The following ASTN1 variants were observed in gnomAD, a reference collection of about 807,000 sequenced individuals.
ASTN1 encodes the protein astrotactin-1.
Under a neutral mutation model 140.7 loss-of-function variants are expected in ASTN1, and 41 were observed. The ratio of observed to expected loss-of-function variants is 0.29; its 90% CI spans 0.23 to 0.38. ASTN1 has a LOEUF of 0.38. Among genes scored for constraint, ASTN1 ranks in the 10% least tolerant of loss-of-function variants. ASTN1 has a pLI of 1.00. For synonymous variants in ASTN1, 640 were observed against 652.2 expected (o/e 0.98, Z 0.29); for missense variants, 1,479 against 1,678.8 (o/e 0.88, Z 2.08).
intron 13 of ASTN1, among the ~76,000 whole-genome samples, chr1:176,945,128 G>A (rs1432675453): frequency 6.6e-6 from 1 of 151,924 alleles, no homozygotes; most frequent in African/African-American, 2.4e-5. Flanking sequence ...GGCAGAACAG[G>A]GACAGGCATT....
intron 16 of ASTN1, among the ~76,000 whole-genome samples, chr1:176,901,100 T>TTCTGGGTTCTTTTGAGATGC (rs1669746982): frequency 6.6e-6 from 1 of 152,220 alleles, no homozygotes; most frequent in African/African-American, 2.4e-5. Flanking sequence ...GGCATTGCTG[T>TTCTGGGTTCTTTTGAGATGC]TCTGGGTTCT....
intron 8 of ASTN1, among the ~76,000 whole-genome samples, chr1:176,986,647 G>A (rs1430376903): frequency 3.3e-5 from 5 of 151,896 alleles, no homozygotes; most frequent in Non-Finnish European, 7.4e-5. Context: ...GAATTCAGGA[G>A]CCAGATGATC....
intron 1 of ASTN1, among the ~76,000 whole-genome samples, chr1:177,104,763 C>T (rs1298537301): frequency 1.3e-5 from 2 of 152,212 alleles, no homozygotes; most frequent in South Asian, 4.1e-4. Context: ...TGTCTCAGCT[C>T]CGACACCAGC....
chr1:176,862,930 A>G lies in ASTN1; in HGVS notation c.*1354T>C. 1 of 985,488 alleles carries G rather than the reference A, an allele frequency of 1.0e-6. No homozygotes were observed. 61.0% of individuals were successfully genotyped at this position (985,488 alleles called of 1,614,324 possible). A position where few individuals can be genotyped will look rare whatever the true frequency, so the allele number is the denominator to read the frequency against. ...GTTTCCAGATGAGGAGCCCTGGTCA[A>G]AGGCATGGTGGCTGAAGGTGTGTGT... On this transcript the variant is annotated 3_prime_UTR_variant, in exon 23 of 23. Transcript: ENST00000361833.
intron 13 of ASTN1, among the ~76,000 whole-genome samples, chr1:176,944,832 G>A (rs1226138446): frequency 6.6e-6 from 1 of 152,208 alleles, no homozygotes; most frequent in Non-Finnish European, 1.5e-5. Flanking sequence ...GCCACCACTA[G>A]ATTAGTGATG....
At chr1:176,947,984 G>T (rs1183195602) in intron 12 of ASTN1, among the ~76,000 whole-genome samples, 3 of 152,174 alleles carry the variant, frequency 2.0e-5, no homozygotes, top group Non-Finnish European at 4.4e-5. Flanking sequence ...AGAATATTAA[G>T]ATATAGAGCA....
chr1:177,032,150 C>T (rs1428070148), intron 3 of ASTN1, among the ~76,000 whole-genome samples: 1 of 152,184 alleles, frequency 6.6e-6, no homozygotes, highest in Non-Finnish European at 1.5e-5. Flanking sequence ...TCTCATTTCC[C>T]AGAGGGTTGC....
Position 177,022,190 on chromosome 1 carries a change from T to C in ASTN1, c.1438+1214A>G, listed in dbSNP as rs1367158140. Among the ~76,000 whole-genome samples the C allele has an allele frequency of 2.0e-5, 3 of 152,290 alleles. No individual in the cohort carries two copies. The South Asian group carries it at 6.2e-4, about 32-fold the overall frequency. On this transcript the variant is annotated intron_variant, in intron 7 of 22. Coordinates refer to ENST00000361833, the MANE Select transcript of ASTN1 (RefSeq NM_004319.3). ...AGGGCTAGATATCTTAGACTCATCCTCTATTAAGATCTCTCTACCTCAGCA... is the reference window on the plus strand; with the variant it reads ...AGGGCTAGATATCTTAGACTCATCCCCTATTAAGATCTCTCTACCTCAGCA...
intron 8 of ASTN1, among the ~76,000 whole-genome samples, chr1:176,973,337 A>G (rs925150685): frequency 6.6e-6 from 1 of 151,958 alleles, no homozygotes; most frequent in African/African-American, 2.4e-5. Flanking sequence ...CTTCACATTA[A>G]ATTATGTCAT....
At position 176,941,966 on chromosome 1, in the gene ASTN1, T is replaced by A. The variant is rs191880195; in HGVS notation, c.2377+1925A>T. Among the ~76,000 whole-genome samples the A allele has an allele frequency of 9.9e-3, 1,502 of 152,294 alleles. 25 individuals carry two copies. Among genetic ancestry groups the A allele is most frequent in the African/African-American group, 0.032 (1,318 of 41,552 alleles). ...GTCCGGAAGCTGCAAGTTAATTTCT[T>A]CAGGTGTGTGTATGTGTGCATGTGC... On this transcript the variant is annotated intron_variant, in intron 14 of 22. Coordinates refer to ENST00000361833, the MANE Select transcript of ASTN1 (RefSeq NM_004319.3).
intron 2 of ASTN1, among the ~76,000 whole-genome samples, chr1:177,048,328 AG>A (rs1316614617): frequency 6.6e-6 from 1 of 152,140 alleles, no homozygotes; most frequent in Non-Finnish European, 1.5e-5. Context: ...CTGGCCCAAA[AG>A]GGGAGTCTGG....
intron 17 of ASTN1, among the ~76,000 whole-genome samples, 173 bp from the exon 18 acceptor site, chr1:176,888,377 G>A (rs1319998009): frequency 6.6e-6 from 1 of 152,174 alleles, no homozygotes; most frequent in Admixed American, 6.5e-5. Flanking sequence ...TTTCTGGGAA[G>A]CCTGAGCCTC....
intron 8 of ASTN1, among the ~76,000 whole-genome samples, chr1:176,985,221 A>G (rs1464035343): frequency 6.6e-6 from 1 of 152,140 alleles, no homozygotes; most frequent in East Asian, 1.9e-4. Flanking sequence ...GTCTTTTCCT[A>G]TGCCAAGGAA....
chr1:177,039,465 C>G (rs930061115), intron 2 of ASTN1, among the ~76,000 whole-genome samples: 12 of 152,124 alleles, frequency 7.9e-5, no homozygotes, highest in Admixed American at 6.5e-5. Context: ...CTGTGCAAAC[C>G]CACATGGAAA....
At chr1:177,113,136 C>T (rs1680902480) in intron 1 of ASTN1, among the ~76,000 whole-genome samples, 1 of 152,176 alleles carries the variant, frequency 6.6e-6, no homozygotes, top group Admixed American at 6.5e-5. Flanking sequence ...AAAACTGCCT[C>T]TCATGAACTC....
chr1:176,911,832 A>G (rs1012907620), intron 16 of ASTN1, among the ~76,000 whole-genome samples: 1 of 152,236 alleles, frequency 6.6e-6, no homozygotes, highest in Admixed American at 6.5e-5. Context: ...ATTATCAGGT[A>G]TTACGTACTG....
chr1:176,933,718 C>G (rs1671311365), intron 16 of ASTN1, among the ~76,000 whole-genome samples: 1 of 152,112 alleles, frequency 6.6e-6, no homozygotes, highest in Non-Finnish European at 1.5e-5. Context: ...CAGGATGAAG[C>G]AAGAAGGGGT....
intron 2 of ASTN1, among the ~76,000 whole-genome samples, chr1:177,051,994 G>A (rs887149399): frequency 6.6e-6 from 1 of 152,088 alleles, no homozygotes; most frequent in Admixed American, 6.5e-5. Context: ...TACCTGGTAG[G>A]TATCAGATGT....
At chr1:177,144,205 G>A (rs988623614) in intron 1 of ASTN1, among the ~76,000 whole-genome samples, 1 of 151,098 alleles carries the variant, frequency 6.6e-6, no homozygotes, top group African/African-American at 2.4e-5. Flanking sequence ...AGTCCCTAAG[G>A]CTACTACCAA....
Sources: allele counts gnomAD v4.1 joint callset (sites outside exome capture counted in the v4.1 genomes callset), GRCh38; gene constraint gnomAD v4.1.1; transcripts MANE v1.5; gene names NCBI Gene and HGNC (gene_info 2026-07-23, HGNC 2026-07-21).